GAL3ST2: variants seen among roughly 807,000 people sequenced by gnomAD.
GAL3ST2 encodes beta-galactose-3-O-sulfotransferase 2.
A neutral mutation model predicts 12.9 loss-of-function variants in GAL3ST2; 16 were observed. That is an observed-to-expected ratio of 1.24 (90% CI 0.84 to 1.88). The LOEUF is 1.88. Among genes scored for constraint, GAL3ST2 ranks in the 40% most tolerant of loss-of-function variants. GAL3ST2 has a pLI of 0.00. For synonymous variants in GAL3ST2, 302 were observed against 273.9 expected (o/e 1.10, Z -1.01); for missense variants, 639 against 571.8 (o/e 1.12, Z -1.20).
rs1699731119 is a variant in GAL3ST2, at chr2:241,793,612, T to TTGTGTGTGTACATATTGTG, written c.30-5451_30-5433dup. On this transcript the variant is annotated intron_variant, in intron 1 of 3. Coordinates refer to ENST00000192314, the MANE Select transcript of GAL3ST2 (RefSeq NM_022134.3). The surrounding 1 kb of genome is among the most constrained non-coding windows in gnomAD (Gnocchi z 4.7). The stretch of plus-strand genomic sequence containing the variant: ...ATGTATATGTGTATATGTGTGTGTA[T>TTGTGTGTGTACATATTGTG]TGTGTGTGTACATATTGTGTTTGTG... 7.8e-6 allele frequency among the ~76,000 whole-genome samples: 1 copy of TTGTGTGTGTACATATTGTG among 127,506 alleles called. No homozygotes were observed. The highest frequency in any genetic ancestry group is 1.6e-5 in the Non-Finnish European group (1 of 63,038). 83.6% of individuals were successfully genotyped at this position (127,506 alleles called of 152,430 possible). A position where few individuals can be genotyped will look rare whatever the true frequency, so the allele number is the denominator to read the frequency against.
chr2:241,803,856 CCGAGCTGGGGCCGCGGCGGCTGCGCGG>C lies in GAL3ST2; in HGVS notation c.888_914del (p.Leu298_Glu306del), dbSNP rs1205857123. ...CGCACCCTCTGGGCGCAGCTGCGCG[CCGAGCTGGGGCCGCGGCGGCTGCGCGG>C]GGAGGTGGAGCGGCTGCGCGCCCGG... On this transcript the variant is annotated inframe_deletion, in exon 4 of 4. Coordinates refer to ENST00000192314, the MANE Select transcript of GAL3ST2 (RefSeq NM_022134.3). The C allele has an allele frequency of 6.9e-7, 1 of 1,451,726 alleles. No individual in the cohort carries two copies. The highest frequency in any genetic ancestry group is 9.0e-7 in the Non-Finnish European group (1 of 1,111,548). 89.9% of individuals were successfully genotyped at this position (1,451,726 alleles called of 1,614,324 possible).
chr2:241,790,785 A>G (rs568915423), intron 1 of GAL3ST2, among the ~76,000 whole-genome samples: 16 of 152,336 alleles, frequency 1.1e-4, no homozygotes, highest in African/African-American at 1.7e-4. Context: ...GAGATAATCA[A>G]TTAAGAGCCA....
chr2:241,803,858 G>A lies in GAL3ST2; in HGVS notation c.889G>A (p.Glu297Lys), dbSNP rs1252597303. Residue 297 changes from glutamate (E) to lysine (K), a missense_variant, in exon 4 of 4, where the codon GAG becomes AAG. Physicochemically the swap from Glu to Lys is moderately conservative, Grantham distance 56. Transcript: ENST00000192314. ...CACCCTCTGGGCGCAGCTGCGCGCC[G>A]AGCTGGGGCCGCGGCGGCTGCGCGG... ...NRTLWAQLRA[E>K]LGPRRLRGEV... 13 of 1,441,656 alleles carry A rather than the reference G, an allele frequency of 9.0e-6. No individual in the cohort carries two copies. Among genetic ancestry groups the A allele is most frequent in the Non-Finnish European group, 1.2e-5 (13 of 1,107,342 alleles). 89.3% of individuals were successfully genotyped at this position (1,441,656 alleles called of 1,614,324 possible). A position where few individuals can be genotyped will look rare whatever the true frequency, so the allele number is the denominator to read the frequency against.
rs56979777 is a variant in GAL3ST2, at chr2:241,779,214, A to ATTTTTTTTTTT, written c.29+2257_29+2267dup. Among the ~76,000 whole-genome samples, 3 of 54,550 alleles carry ATTTTTTTTTTT rather than the reference A, an allele frequency of 5.5e-5. 1 individual carries two copies. Among genetic ancestry groups the ATTTTTTTTTTT allele is most frequent in the African/African-American group, 2.2e-4 (3 of 13,614 alleles). The allele number at this position is 54,550 out of a possible 152,430, so 35.8% of individuals were successfully genotyped here. On this transcript the variant is annotated intron_variant, in intron 1 of 3. Coordinates refer to ENST00000192314, the MANE Select transcript of GAL3ST2 (RefSeq NM_022134.3). Reference sequence around the variant, plus strand: ...AGGTCCTGAGTTACTAGGAAAGCTCATTTTTTTTTTTTTTTTTTTTTTTTT... The same window carrying ATTTTTTTTTTT: ...AGGTCCTGAGTTACTAGGAAAGCTCATTTTTTTTTTTTTTTTTTTTTTTTTTTTTTTTTTTT...
rs1025316588 is a variant in GAL3ST2, at chr2:241,803,964, C to G, written c.995C>G (p.Thr332Arg). The G allele has an allele frequency of 2.0e-6, 3 of 1,518,010 alleles. No individual in the cohort carries two copies. Among genetic ancestry groups the G allele is most frequent in the Non-Finnish European group, 2.6e-6 (3 of 1,136,640 alleles). The allele number at this position is 1,518,010 out of a possible 1,614,324, so 94.0% of individuals were successfully genotyped here. A position where few individuals can be genotyped will look rare whatever the true frequency, so the allele number is the denominator to read the frequency against. The part of the protein sequence containing the change: ...LQDGGALKNH[T>R]QIRDPRLRPY... ...GACGGCGGCGCGCTCAAGAACCACACGCAGATCAGAGACCCGCGCCTGCGC... is the reference window on the plus strand; with the variant it reads ...GACGGCGGCGCGCTCAAGAACCACAGGCAGATCAGAGACCCGCGCCTGCGC... Residue 332 changes from threonine to arginine, a missense_variant, in exon 4 of 4, where the codon ACG becomes AGG. Coordinates refer to ENST00000192314, the MANE Select transcript of GAL3ST2 (RefSeq NM_022134.3).
chr2:241,780,593 A>G (rs1048292490), intron 1 of GAL3ST2, among the ~76,000 whole-genome samples: 6 of 152,238 alleles, frequency 3.9e-5, no homozygotes, highest in East Asian at 1.9e-4. Context: ...AAGACAAGTC[A>G]TGGTAGGACT....
chr2:241,793,324 GTGTATGTGTA>G lies in GAL3ST2; in HGVS notation c.30-5735_30-5726del, dbSNP rs1287437009. On this transcript the variant is annotated intron_variant, in intron 1 of 3. Transcript: ENST00000192314. This position sits in a 1 kb window ranked among gnomAD's most constrained non-coding sequence, Gnocchi z 4.7. ...CAGGGGGATGTGTGTGTCCGTGTGT[GTGTATGTGTA>G]TGTATCTGTATGTATGTGTGTGTAT... Among the ~76,000 whole-genome samples, 1 of 152,048 alleles carries G rather than the reference GTGTATGTGTA, an allele frequency of 6.6e-6. No homozygotes were observed. The highest frequency in any genetic ancestry group is 2.4e-5 in the African/African-American group (1 of 41,432).
rs1164424923 is a variant in GAL3ST2 at position 241,793,679 on chromosome 2, G to T, written c.30-5386G>T. The stretch of plus-strand genomic sequence containing the variant: ...GCATATGTGTGTGTATGCACATATT[G>T]TGTATGTGTGTGTATATGTGTATGT... On this transcript the variant is annotated intron_variant, in intron 1 of 3. Coordinates refer to ENST00000192314, the MANE Select transcript of GAL3ST2 (RefSeq NM_022134.3). This position sits in a 1 kb window ranked among gnomAD's most constrained non-coding sequence, Gnocchi z 4.7. 6.6e-6 allele frequency among the ~76,000 whole-genome samples: 1 copy of T among 151,376 alleles called. No individual in the cohort carries two copies. The highest frequency in any genetic ancestry group is 2.4e-5 in the African/African-American group (1 of 41,074).
chr2:241,785,905 G>A (rs1313541067), intron 1 of GAL3ST2, among the ~76,000 whole-genome samples: 1 of 151,958 alleles, frequency 6.6e-6, no homozygotes, highest in African/African-American at 2.4e-5. Context: ...TTTTAATTAA[G>A]CTGACTTTAA....
In GAL3ST2 at chr2:241,801,702, G is replaced by C; in HGVS notation, c.120-79G>C. 2 of 1,533,894 alleles carry C rather than the reference G, an allele frequency of 1.3e-6. No homozygotes were observed. Among genetic ancestry groups the C allele is most frequent in the Non-Finnish European group, 1.7e-6 (2 of 1,143,282 alleles). Reference sequence around the variant, plus strand: ...GGTTGGGAGGTCTCTCCTTGCGGTTGCCGGGCTGGGGGTCGCTGTTGGGCG... The same window carrying C: ...GGTTGGGAGGTCTCTCCTTGCGGTTCCCGGGCTGGGGGTCGCTGTTGGGCG... On this transcript the variant is annotated intron_variant, in intron 2 of 3. Transcript: ENST00000192314. This position sits in a 1 kb window ranked among gnomAD's most constrained non-coding sequence, Gnocchi z 4.4.
At position 241,798,549 on chromosome 2, in the gene GAL3ST2, C is replaced by T. The variant is rs533750973; in HGVS notation, c.30-516C>T. ...TACAGGGACTCCACCCGCCCTCAAA[C>T]CTCATCCAACCCTAACACCTCCCAG... On this transcript the variant is annotated intron_variant, in intron 1 of 3. Coordinates refer to ENST00000192314, the MANE Select transcript of GAL3ST2 (RefSeq NM_022134.3). Among the ~76,000 whole-genome samples, 13 of 152,300 alleles carry T rather than the reference C, an allele frequency of 8.5e-5. 1 individual carries two copies. The highest frequency in any genetic ancestry group is 2.6e-4 in the African/African-American group (11 of 41,570).
intron 1 of GAL3ST2, among the ~76,000 whole-genome samples, chr2:241,784,893 A>G (rs1198986011): frequency 6.6e-6 from 1 of 152,240 alleles, no homozygotes; most frequent in Non-Finnish European, 1.5e-5. Flanking sequence ...AACATATGAT[A>G]TGGAGAGAAC....
chr2:241,795,786 C>T lies in GAL3ST2; in HGVS notation c.30-3279C>T, dbSNP rs773254033. On this transcript the variant is annotated intron_variant, in intron 1 of 3. Coordinates refer to ENST00000192314, the MANE Select transcript of GAL3ST2 (RefSeq NM_022134.3). This position sits in a 1 kb window ranked among gnomAD's most constrained non-coding sequence, Gnocchi z 4.5. ...GGGTGTCTCCAGCGGGACCCTGATC[C>T]CGCGTGGGGCGCATGGCCCTCTCTG... Among the ~76,000 whole-genome samples, 1 of 152,214 alleles carries T rather than the reference C, an allele frequency of 6.6e-6. No individual in the cohort carries two copies. Among genetic ancestry groups the T allele is most frequent in the Non-Finnish European group, 1.5e-5 (1 of 68,040 alleles).
At chr2:241,790,055 A>G (rs1299952748) in intron 1 of GAL3ST2, among the ~76,000 whole-genome samples, 2 of 152,194 alleles carry the variant, frequency 1.3e-5, no homozygotes, top group Admixed American at 6.5e-5. Flanking sequence ...CACAGAGGAA[A>G]CAAATTTCCT....
chr2:241,777,189 T>G (rs1240070842), intron 1 of GAL3ST2, among the ~76,000 whole-genome samples: 15 of 152,192 alleles, frequency 9.9e-5, no homozygotes, highest in Non-Finnish European at 5.9e-5. Flanking sequence ...TGGTGCTGCT[T>G]CTGGGTGTTT....
rs768741127 is a variant in GAL3ST2 at position 241,803,583 on chromosome 2, G to GC, written c.615dup (p.Glu206ArgfsTer168). The GC allele has an allele frequency of 1.9e-6, 3 of 1,587,214 alleles. No individual in the cohort carries two copies. In the Admixed American group the frequency reaches 5.3e-5, roughly 28 times the overall value. On this transcript the variant is annotated frameshift_variant, in exon 4 of 4. Transcript: ENST00000192314. LOFTEE classifies it low-confidence loss of function (END_TRUNC). ...TTCGGCTTCGACCCCAACGCGCAGT[G>GC]CGAGGAGGGCTACGTGCGCGCGCGC...
chr2:241,785,239 T>C (rs1699613966), intron 1 of GAL3ST2, among the ~76,000 whole-genome samples: 1 of 152,096 alleles, frequency 6.6e-6, no homozygotes, highest in African/African-American at 2.4e-5. Context: ...GGTAACACAA[T>C]ACAAAAGCAA....
intron 1 of GAL3ST2, among the ~76,000 whole-genome samples, chr2:241,792,999 T>C (rs1699711633): frequency 1.3e-5 from 2 of 152,174 alleles, no homozygotes; most frequent in Admixed American, 1.3e-4. Flanking sequence ...TTCCTGCCTT[T>C]GCTTCGAGCC....
At chr2:241,781,282 G>T (rs1699563296) in intron 1 of GAL3ST2, among the ~76,000 whole-genome samples, 2 of 152,120 alleles carry the variant, frequency 1.3e-5, no homozygotes, top group African/African-American at 4.8e-5. Context: ...TTAGTCTTCT[G>T]TCAGTTCAGT....
Sources: allele counts gnomAD v4.1 joint callset (sites outside exome capture counted in the v4.1 genomes callset), GRCh38; gene constraint gnomAD v4.1.1; non-coding constraint Gnocchi (gnomAD v3.1); transcripts MANE v1.5; gene names NCBI Gene and HGNC (gene_info 2026-07-23, HGNC 2026-07-21).